The following FDX1 variants were observed in gnomAD, a reference collection of about 807,000 sequenced individuals.
FDX1 encodes ferredoxin 1, also known as adrenodoxin, mitochondrial.
Under a neutral mutation model 14.9 loss-of-function variants are expected in FDX1, and 9 were observed. The ratio of observed to expected loss-of-function variants is 0.60; its 90% CI spans 0.36 to 1.05. FDX1 has a LOEUF of 1.05. Ranked by LOEUF, FDX1 falls within the 50% of genes least tolerant of loss-of-function variation. FDX1 has a pLI of 0.01. For synonymous variants in FDX1, 92 were observed against 99.4 expected (o/e 0.93, Z 0.44); for missense variants, 204 against 237.2 (o/e 0.86, Z 0.92).
chr11:110,444,649 T>TATATATATATATAC (rs1565381665), intron 2 of FDX1, among the ~76,000 whole-genome samples: 2 of 90,492 alleles, frequency 2.2e-5, no homozygotes, highest in East Asian at 9.4e-4. Flanking sequence ...TGTGTGTGTG[T>TATATATATATATAC]GTATATATAT....
intron 2 of FDX1, among the ~76,000 whole-genome samples, chr11:110,436,400 C>T (rs145960174): frequency 5.3e-4 from 80 of 152,306 alleles, no homozygotes; most frequent in African/African-American, 1.6e-3. Flanking sequence ...CTTAACTACA[C>T]GTGCAAAGCC....
chr11:110,438,480 C>T (rs997170274), intron 2 of FDX1, among the ~76,000 whole-genome samples: 1 of 152,058 alleles, frequency 6.6e-6, no homozygotes, highest in African/African-American at 2.4e-5. Context: ...GGCTGGAGTG[C>T]AGTGGCGCAG....
intron 2 of FDX1, among the ~76,000 whole-genome samples, chr11:110,438,760 C>G (rs942794542): frequency 6.6e-6 from 1 of 152,152 alleles, no homozygotes; most frequent in Non-Finnish European, 1.5e-5. Flanking sequence ...AGCCACCATG[C>G]CTGACTTCTG....
intron 1 of FDX1, 43 bp downstream of exon 1, chr11:110,430,348 C>T: frequency 8.6e-7 from 1 of 1,156,706 alleles, no homozygotes. Context: ...GGGCCGGGGT[C>T]CCCGGTGGGT....
intron 1 of FDX1, among the ~76,000 whole-genome samples, chr11:110,431,126 AGCAGCAG>A (rs1177416287): frequency 2.0e-5 from 3 of 152,038 alleles, no homozygotes; most frequent in Non-Finnish European, 4.4e-5. Flanking sequence ...CAGCAGCAGC[AGCAGCAG>A]CAGCTTCTTA....
chr11:110,431,047 A>G (rs1263013029), intron 1 of FDX1, among the ~76,000 whole-genome samples: 1 of 152,180 alleles, frequency 6.6e-6, no homozygotes, highest in Non-Finnish European at 1.5e-5. Flanking sequence ...TAATACAGCG[A>G]TACAGGTAGT....
In FDX1 at chr11:110,462,861, A is replaced by C. The variant is rs1946564659; in HGVS notation, c.*393A>C. ...GATCTAACCTGGCTTGTTTAGGGCCATACCACTAATTAGAAAATCTGTGCT... is the reference window on the plus strand; with the variant it reads ...GATCTAACCTGGCTTGTTTAGGGCCCTACCACTAATTAGAAAATCTGTGCT... On this transcript the variant is annotated 3_prime_UTR_variant, in exon 4 of 4. Coordinates refer to ENST00000260270, the MANE Select transcript of FDX1 (RefSeq NM_004109.5). 1 of 159,248 alleles carries C rather than the reference A, an allele frequency of 6.3e-6. No individual in the cohort carries two copies. Among genetic ancestry groups the C allele is most frequent in the South Asian group, 1.8e-4 (1 of 5,522 alleles). The allele number at this position is 159,248 out of a possible 1,614,324, so 9.9% of individuals were successfully genotyped here.
chr11:110,435,449 T>A (rs563183060), intron 1 of FDX1, among the ~76,000 whole-genome samples: 2 of 152,374 alleles, frequency 1.3e-5, no homozygotes, highest in African/African-American at 4.8e-5. Context: ...CAGGTGGCGT[T>A]GACCAGGTAG....
At chr11:110,448,300 T>C (rs1946464882) in intron 2 of FDX1, among the ~76,000 whole-genome samples, 1 of 152,240 alleles carries the variant, frequency 6.6e-6, no homozygotes. Context: ...TGATATAATG[T>C]ATTTCTGACT....
chr11:110,458,385 A>G (rs1946535956), intron 3 of FDX1, among the ~76,000 whole-genome samples: 1 of 152,194 alleles, frequency 6.6e-6, no homozygotes, highest in Non-Finnish European at 1.5e-5. Context: ...TAGTAGAAAT[A>G]CTTTGTGGGA....
chr11:110,461,929 A>G (rs1480262359), intron 3 of FDX1, among the ~76,000 whole-genome samples: 1 of 152,230 alleles, frequency 6.6e-6, no homozygotes, highest in Admixed American at 6.5e-5. Context: ...CTTCTTTTAA[A>G]GGCTTTAAAA....
At chr11:110,430,718 C>G (rs1946324952) in intron 1 of FDX1, among the ~76,000 whole-genome samples, 1 of 152,212 alleles carries the variant, frequency 6.6e-6, no homozygotes, top group Non-Finnish European at 1.5e-5. Flanking sequence ...GCTGTCCTGG[C>G]CTGACACACC....
intron 2 of FDX1, among the ~76,000 whole-genome samples, chr11:110,444,771 C>G (rs1317107914): frequency 8.6e-6 from 1 of 116,492 alleles, no homozygotes; most frequent in African/African-American, 3.5e-5. Flanking sequence ...TATATATTTG[C>G]AGAACAACCT....
chr11:110,461,075 C>T (rs374687387), intron 3 of FDX1, among the ~76,000 whole-genome samples: 8 of 152,066 alleles, frequency 5.3e-5, no homozygotes, highest in African/African-American at 1.9e-4. Context: ...TTTTATATGC[C>T]ACTAAGGAAG....
chr11:110,442,343 G>C (rs993606049), intron 2 of FDX1, among the ~76,000 whole-genome samples: 19 of 152,198 alleles, frequency 1.2e-4, no homozygotes, highest in Non-Finnish European at 2.8e-4. Flanking sequence ...GATATGCCTG[G>C]AAAAGCCACA....
At position 110,430,320 on chromosome 11, in the gene FDX1, G is replaced by A. The variant is rs762228607; in HGVS notation, c.185+15G>A. The A allele has an allele frequency of 2.5e-6, 3 of 1,189,078 alleles. No individual in the cohort carries two copies. The highest frequency in any genetic ancestry group is 4.5e-5 in the Admixed American group (1 of 22,234). 73.7% of individuals were successfully genotyped at this position (1,189,078 alleles called of 1,614,324 possible). On this transcript the variant is annotated intron_variant, in intron 1 of 3. Coordinates refer to ENST00000260270, the MANE Select transcript of FDX1 (RefSeq NM_004109.5). ...GCCCGGAGCAGGTAGGGCGCCGTGC[G>A]GGCGCGATCGCCGGCGCGGGCCGGG...
chr11:110,460,228 T>C (rs1313288621), intron 3 of FDX1, among the ~76,000 whole-genome samples: 2 of 152,224 alleles, frequency 1.3e-5, no homozygotes, highest in African/African-American at 4.8e-5. Flanking sequence ...TTTTTTTCTA[T>C]TAGTAATCAG....
At chr11:110,445,150 C>G (rs1251594930) in intron 2 of FDX1, among the ~76,000 whole-genome samples, 4 of 151,882 alleles carry the variant, frequency 2.6e-5, no homozygotes, top group African/African-American at 9.7e-5. Flanking sequence ...CTTTAAATGT[C>G]CTATTTGATA....
intron 3 of FDX1, among the ~76,000 whole-genome samples, chr11:110,459,652 T>C (rs768744799): frequency 2.0e-5 from 3 of 152,220 alleles, no homozygotes; most frequent in Non-Finnish European, 4.4e-5. Context: ...CAGGGATATG[T>C]GGCAAGAGTA....
Sources: gnomAD v4.1 joint callset for allele counts (sites outside exome capture counted in the v4.1 genomes callset) on GRCh38, gnomAD v4.1.1 for gene constraint, MANE v1.5 for transcripts, NCBI Gene and HGNC (gene_info 2026-07-23, HGNC 2026-07-21) for gene names.